XKR6: variants seen among roughly 807,000 people sequenced by gnomAD.
XKR6 encodes the protein XK-related protein 6.
In XKR6, 22 loss-of-function variants were observed where a neutral mutation model predicts 56.7. The observed-to-expected ratio is 0.39, with a 90% confidence interval of 0.28 to 0.55. The LOEUF (loss-of-function observed/expected upper bound fraction) is 0.55. Among genes scored for constraint, XKR6 ranks in the 20% least tolerant of loss-of-function variants. XKR6 has a pLI of 0.66. For synonymous variants in XKR6, 524 were observed against 387.8 expected, an observed-to-expected ratio of 1.35 and a Z score of -4.13; for missense variants, 852 against 889.0, an observed-to-expected ratio of 0.96 and a Z score of 0.53.
intron 1 of XKR6, among the ~76,000 whole-genome samples, chr8:11,158,631 G>C (rs1031804680): frequency 2.0e-5 from 3 of 152,022 alleles, no homozygotes; most frequent in East Asian, 1.9e-4. Context: ...TCCATCAATA[G>C]CAAAAAAACA....
intron 1 of XKR6, among the ~76,000 whole-genome samples, chr8:10,983,232 A>G (rs1296139769): frequency 6.6e-6 from 1 of 152,166 alleles, no homozygotes; most frequent in Non-Finnish European, 1.5e-5. Context: ...TGATAAATTC[A>G]AGACCTGCTT....
At chr8:11,000,311 T>C (rs1798208842) in intron 1 of XKR6, among the ~76,000 whole-genome samples, 1 of 152,154 alleles carries the variant, frequency 6.6e-6, no homozygotes, top group East Asian at 1.9e-4. Flanking sequence ...AAGGCTGAAA[T>C]GGTGTGCAAA....
chr8:10,915,894 C>G (rs910026646), intron 2 of XKR6, among the ~76,000 whole-genome samples: 1 of 152,174 alleles, frequency 6.6e-6, no homozygotes, highest in African/African-American at 2.4e-5. Context: ...GATGAAGATG[C>G]GAGCCAGCCA....
At chr8:10,920,254 A>G (rs1010743114) in intron 2 of XKR6, among the ~76,000 whole-genome samples, 6 of 152,226 alleles carry the variant, frequency 3.9e-5, no homozygotes, top group Non-Finnish European at 7.3e-5. Flanking sequence ...CAGAAGGTCC[A>G]TCTACAATAA....
chr8:11,057,107 C>A (rs10096824), intron 1 of XKR6, among the ~76,000 whole-genome samples: 11,880 of 152,254 alleles, frequency 0.078, 1,454 homozygotes, highest in African/African-American at 0.26. Flanking sequence ...GATGCCCCGA[C>A]CCAATCGAAG....
At chr8:11,062,683 T>A (rs1473896210) in intron 1 of XKR6, 2 of 452,920 alleles carry the variant, frequency 4.4e-6, no homozygotes, top group Non-Finnish European at 8.9e-6. Context: ...GTGATCTGGT[T>A]TTTAGTTAGA....
At chr8:10,930,647 CA>C (rs1801026673) in intron 1 of XKR6, among the ~76,000 whole-genome samples, 1 of 152,162 alleles carries the variant, frequency 6.6e-6, no homozygotes, top group South Asian at 2.1e-4. Context: ...GTCCAATATT[CA>C]AAAATCAATC....
chr8:11,051,719 A>C lies in XKR6; in HGVS notation c.765-126889T>G, dbSNP rs149766476. 9.6e-3 allele frequency among the ~76,000 whole-genome samples: 1,466 copies of C among 152,202 alleles called. 24 individuals are homozygous for C. The highest frequency in any genetic ancestry group is 0.034 in the African/African-American group (1,401 of 41,516). ...AGCTTTTCCCCACTGCCTCCACCCT[A>C]CACAGCAGCCAGAATGAAGGATTTG... On this transcript the variant is annotated intron_variant, in intron 1 of 2. Coordinates refer to ENST00000416569, the MANE Select transcript of XKR6 (RefSeq NM_173683.4).
At chr8:11,195,461 T>C (rs1738242606) in intron 1 of XKR6, among the ~76,000 whole-genome samples, 1 of 152,322 alleles carries the variant, frequency 6.6e-6, no homozygotes, top group African/African-American at 2.4e-5. Flanking sequence ...AGACTCTTTA[T>C]TCTCCTTTGC....
At chr8:10,990,943 C>A (rs552464119) in intron 1 of XKR6, among the ~76,000 whole-genome samples, 6 of 131,092 alleles carry the variant, frequency 4.6e-5, no homozygotes, top group Admixed American at 2.4e-4. Context: ...CACTTGGTCA[C>A]CCAGGCTGGA....
At chr8:11,107,324 C>T (rs980742495) in intron 1 of XKR6, among the ~76,000 whole-genome samples, 1 of 152,056 alleles carries the variant, frequency 6.6e-6, no homozygotes, top group Non-Finnish European at 1.5e-5. Flanking sequence ...CTCAGCCTCT[C>T]AAACAGCTGA....
At chr8:11,144,839 G>C (rs1800897897) in intron 1 of XKR6, among the ~76,000 whole-genome samples, 1 of 150,994 alleles carries the variant, frequency 6.6e-6, no homozygotes, top group Non-Finnish European at 1.5e-5. Flanking sequence ...GCTCAGTTTG[G>C]AGGAAGGGAA....
chr8:11,099,983 C>T (rs1299078663), intron 1 of XKR6, among the ~76,000 whole-genome samples: 1 of 152,118 alleles, frequency 6.6e-6, no homozygotes, highest in African/African-American at 2.4e-5. Context: ...GAGTAGGGCA[C>T]CCTAGCGGGT....
intron 1 of XKR6, among the ~76,000 whole-genome samples, chr8:10,940,875 C>T (rs1456234073): frequency 3.9e-5 from 6 of 152,172 alleles, no homozygotes; most frequent in African/African-American, 1.4e-4. Flanking sequence ...CACCAGATAT[C>T]GATCAGAAGG....
rs560655691 is a variant in XKR6 at position 11,064,696 on chromosome 8, C to T, written c.764+135880G>A. On this transcript the variant is annotated intron_variant, in intron 1 of 2. Coordinates refer to ENST00000416569, the MANE Select transcript of XKR6 (RefSeq NM_173683.4). ...CAGGCATTTATAATTCTTCCACTTC[C>T]GAAAAGAATTGTAATCGTTCACAAC... 3.9e-5 allele frequency among the ~76,000 whole-genome samples: 6 copies of T among 152,152 alleles called. No individual in the cohort carries two copies. In the South Asian group the frequency reaches 6.2e-4, roughly 16 times the overall value.
chr8:11,185,731 T>C (rs957356553), intron 1 of XKR6, among the ~76,000 whole-genome samples: 3 of 152,330 alleles, frequency 2.0e-5, no homozygotes, highest in Admixed American at 1.3e-4. Flanking sequence ...GAAACACTGA[T>C]GAGTCTTGGG....
At chr8:10,950,513 G>A (rs1363434676) in intron 1 of XKR6, among the ~76,000 whole-genome samples, 4 of 152,116 alleles carry the variant, frequency 2.6e-5, no homozygotes, top group Non-Finnish European at 4.4e-5. Context: ...CAGTCACCTC[G>A]TTCATAAAGT....
At chr8:11,165,091 T>A (rs13272273) in intron 1 of XKR6, among the ~76,000 whole-genome samples, 713 of 40,560 alleles carry the variant, frequency 0.018, 10 homozygotes, top group African/African-American at 0.086. Flanking sequence ...GGCTATCACC[T>A]TTTTTTTTTT....
At chr8:11,065,853 A>G (rs1262751248) in intron 1 of XKR6, among the ~76,000 whole-genome samples, 1 of 152,190 alleles carries the variant, frequency 6.6e-6, no homozygotes, top group African/African-American at 2.4e-5. Flanking sequence ...TTTCCCTAGC[A>G]ACTGAGCACG....
Sources: gnomAD v4.1 joint callset for allele counts (sites outside exome capture counted in the v4.1 genomes callset) on GRCh38, gnomAD v4.1.1 for gene constraint, MANE v1.5 for transcripts, NCBI Gene and HGNC (gene_info 2026-07-23, HGNC 2026-07-21) for gene names.